Variants in CHD1 observed in about 807,000 individuals in gnomAD.
The protein encoded by CHD1 is ATP-dependent chromatin remodeler CHD1.
CHD1 carries 36 observed loss-of-function variants against 224.2 expected under a neutral mutation model. The observed-to-expected ratio is 0.16, with a 90% confidence interval of 0.12 to 0.21. The LOEUF is 0.21. Among genes scored for constraint, CHD1 ranks in the 10% least tolerant of loss-of-function variants. The pLI, the probability that CHD1 is intolerant of heterozygous loss-of-function variation, is 1.00. For missense variants in CHD1, 1,378 were observed against 1,994.8 expected (o/e 0.69, Z 5.89); for synonymous variants, 668 against 658.3 (o/e 1.01, Z -0.23).
chr5:98,881,238 A>G (rs1050934100), intron 21 of CHD1, 41 bp downstream of exon 21: 39 of 1,210,576 alleles, frequency 3.2e-5, no homozygotes, highest in Non-Finnish European at 4.0e-5. Context: ...TATGACACAT[A>G]TTCTGAGGCA....
intron 4 of CHD1, 129 bp from the exon 5 acceptor site, chr5:98,903,093 TAG>T (rs1364743659): frequency 1.2e-5 from 6 of 507,664 alleles, no homozygotes; most frequent in Non-Finnish European, 2.1e-5. Context: ...TTTTTCAATG[TAG>T]TTTTATTTAT....
chr5:98,923,047 T>C (rs1753211004), intron 2 of CHD1, among the ~76,000 whole-genome samples: 1 of 152,222 alleles, frequency 6.6e-6, no homozygotes, highest in Non-Finnish European at 1.5e-5. Context: ...ACTTTAGTTT[T>C]TTTTGCAAGA....
intron 33 of CHD1, among the ~76,000 whole-genome samples, chr5:98,859,296 A>C (rs374663502): frequency 6.6e-6 from 1 of 152,256 alleles, no homozygotes; most frequent in Non-Finnish European, 1.5e-5. Flanking sequence ...TCCTAATGTT[A>C]ATATCTTATA....
At chr5:98,879,172 TGCAGTGA>T (rs1749983789) in intron 23 of CHD1, among the ~76,000 whole-genome samples, 1 of 152,152 alleles carries the variant, frequency 6.6e-6, no homozygotes, top group African/African-American at 2.4e-5. Context: ...AGGTTAAGGT[TGCAGTGA>T]GCCAGAATTG....
At chr5:98,924,238 G>A (rs1235286631) in intron 2 of CHD1, among the ~76,000 whole-genome samples, 2 of 152,036 alleles carry the variant, frequency 1.3e-5, no homozygotes, top group Non-Finnish European at 2.9e-5. Context: ...GTGACAGAGT[G>A]AGGCCCTGTC....
intron 3 of CHD1, 92 bp downstream of exon 3, chr5:98,904,805 A>T: frequency 8.9e-7 from 1 of 1,125,650 alleles, no homozygotes; most frequent in Non-Finnish European, 1.3e-6. Flanking sequence ...GTCTTCTCTA[A>T]AAGCTAGATT....
At chr5:98,910,526 C>T (rs1215846556) in intron 2 of CHD1, among the ~76,000 whole-genome samples, 4 of 152,120 alleles carry the variant, frequency 2.6e-5, no homozygotes, top group Non-Finnish European at 5.9e-5. Flanking sequence ...TTCGGAGCTA[C>T]AGAACAAGCT....
rs167797 is a variant in CHD1 at position 98,884,808 on chromosome 5, C to T, written c.2568+770G>A. ...CATGGCTCACCGCAGCCTCAAACTC[C>T]TGAGCTAAGTGATCCACTCAACTCA... On this transcript the variant is annotated intron_variant, in intron 18 of 35. Transcript: ENST00000614616. 2.8e-3 allele frequency among the ~76,000 whole-genome samples: 422 copies of T among 151,952 alleles called. 2 individuals carry two copies. The highest frequency in any genetic ancestry group is 9.5e-3 in the African/African-American group (394 of 41,446).
Position 98,863,633 on chromosome 5 carries a change from A to G in CHD1, c.4249-47T>C, listed in dbSNP as rs745759312. Reference sequence around the variant, plus strand: ...ATATAAACACATGTATTAAAAACCTAAATTCAACAAGGTCTACCTCCTTCA... The same window carrying G: ...ATATAAACACATGTATTAAAAACCTGAATTCAACAAGGTCTACCTCCTTCA... On this transcript the variant is annotated intron_variant, in intron 31 of 35. Coordinates refer to ENST00000614616, the MANE Select transcript of CHD1 (RefSeq NM_001270.4). 5.9e-6 allele frequency: 8 copies of G among 1,352,880 alleles called. 1 individual carries two copies. The East Asian group carries it at 9.2e-5, about 16-fold the overall frequency. 83.8% of individuals were successfully genotyped at this position (1,352,880 alleles called of 1,614,324 possible). A position where few individuals can be genotyped will look rare whatever the true frequency, so the allele number is the denominator to read the frequency against.
In CHD1 at chr5:98,901,186, C is replaced by G. The variant is rs1554079557; in HGVS notation, c.587G>C (p.Arg196Thr). 6.2e-7 allele frequency: 1 copy of G among 1,610,158 alleles called. No individual in the cohort carries two copies. The highest frequency in any genetic ancestry group is 8.5e-7 in the Non-Finnish European group (1 of 1,178,794). Residue 196 changes from arginine (R) to threonine (T), a missense_variant and splice_region_variant, in exon 6 of 36, where the codon AGA (arginine) becomes ACA (threonine). By Grantham distance (71) the Arg-to-Thr change is moderately conservative. Transcript: ENST00000614616. Reference sequence around the variant, plus strand: ...TTTCAGCACCAAACTGAGACCATACCTATTTTGAGGTTTTCTGCTTTTGAC... The same window carrying G: ...TTTCAGCACCAAACTGAGACCATACGTATTTTGAGGTTTTCTGCTTTTGAC... The part of the protein sequence containing the change: ...NKVKSRKPQN[R>T]SKSKNGKKIL...
chr5:98,885,447 A>C, intron 18 of CHD1, 131 bp downstream of exon 18: 1 of 643,846 alleles, frequency 1.6e-6, no homozygotes, highest in Non-Finnish European at 2.7e-6. Context: ...CTCATTTGCT[A>C]ATCAAAGGTG....
At chr5:98,871,933 CA>C in intron 28 of CHD1, 117 bp downstream of exon 28, 1 of 850,840 alleles carries the variant, frequency 1.2e-6, no homozygotes. Context: ...CAAGGTCACA[CA>C]ACCAGCTAGT....
In CHD1 at chr5:98,923,182, G is replaced by A. The variant is rs537156280; in HGVS notation, c.53+3152C>T. On this transcript the variant is annotated intron_variant, in intron 2 of 35. Coordinates refer to ENST00000614616, the MANE Select transcript of CHD1 (RefSeq NM_001270.4). ...TGGGAATTGAGTGTTAATGACAGTA[G>A]AGCATAGTATAGCAGCGGTAAGAAA... Among the ~76,000 whole-genome samples the A allele has an allele frequency of 1.9e-4, 29 of 152,194 alleles. 2 individuals carry two copies. The South Asian group carries it at 3.3e-3, about 17-fold the overall frequency.
chr5:98,862,580 C>T lies in CHD1; in HGVS notation c.4427+828G>A, dbSNP rs1477361015. ...AAATTTTATTTCAAATTCTTTAATTCTTTGCTCATTTTTAAATTTACTTTC... is the reference window on the plus strand; with the variant it reads ...AAATTTTATTTCAAATTCTTTAATTTTTTGCTCATTTTTAAATTTACTTTC... On this transcript the variant is annotated intron_variant, in intron 32 of 35. Coordinates refer to ENST00000614616, the MANE Select transcript of CHD1 (RefSeq NM_001270.4). 2.6e-5 allele frequency among the ~76,000 whole-genome samples: 4 copies of T among 151,934 alleles called. No individual in the cohort carries two copies. In the East Asian group the frequency reaches 7.7e-4, roughly 29 times the overall value.
intron 31 of CHD1, among the ~76,000 whole-genome samples, chr5:98,866,138 A>C (rs1019268404): frequency 2.0e-5 from 3 of 152,152 alleles, no homozygotes; most frequent in African/African-American, 4.8e-5. Context: ...AAAAACAAAA[A>C]CAAAAACGGT....
chr5:98,926,472 A>G lies in CHD1; in HGVS notation c.-86T>C. 2 of 611,050 alleles carry G rather than the reference A, an allele frequency of 3.3e-6. No individual in the cohort carries two copies. The highest frequency in any genetic ancestry group is 5.2e-6 in the Non-Finnish European group (2 of 386,322). 37.9% of individuals were successfully genotyped at this position (611,050 alleles called of 1,614,324 possible). ...ATATAAATACTGACTCCTTGAATAT[A>G]AAAATTCACAGATGAATTTTCTTCA... On this transcript the variant is annotated 5_prime_UTR_variant, in exon 2 of 36. Coordinates refer to ENST00000614616, the MANE Select transcript of CHD1 (RefSeq NM_001270.4).
rs971328157 is a variant in CHD1, at chr5:98,854,133, A to G, written c.*2247T>C. The G allele has an allele frequency of 2.6e-5, 4 of 151,988 alleles. No individual in the cohort carries two copies. The highest frequency in any genetic ancestry group is 2.1e-4 in the South Asian group (1 of 4,834). 9.4% of individuals were successfully genotyped at this position (151,988 alleles called of 1,614,324 possible). A position where few individuals can be genotyped will look rare whatever the true frequency, so the allele number is the denominator to read the frequency against. On this transcript the variant is annotated 3_prime_UTR_variant, in exon 36 of 36. Coordinates refer to ENST00000614616, the MANE Select transcript of CHD1 (RefSeq NM_001270.4). ...AATATTTTATGGAGAATGTTCTGCTATATTTATGTACTAATGTTCTTCACC... is the reference window on the plus strand; with the variant it reads ...AATATTTTATGGAGAATGTTCTGCTGTATTTATGTACTAATGTTCTTCACC...
intron 2 of CHD1, among the ~76,000 whole-genome samples, chr5:98,924,182 C>CA (rs1753295050): frequency 6.6e-6 from 1 of 151,700 alleles, no homozygotes; most frequent in Non-Finnish European, 1.5e-5. Flanking sequence ...GAGGTGGAGG[C>CA]AGAGGCTGCA....
intron 8 of CHD1, among the ~76,000 whole-genome samples, chr5:98,899,045 T>C (rs750231479): frequency 2.6e-5 from 4 of 152,160 alleles, no homozygotes; most frequent in Non-Finnish European, 5.9e-5. Context: ...AATAAAATCA[T>C]CCCTCACTAC....
Sources: gnomAD v4.1 joint callset for allele counts (sites outside exome capture counted in the v4.1 genomes callset) on GRCh38, gnomAD v4.1.1 for gene constraint, MANE v1.5 for transcripts, NCBI Gene and HGNC (gene_info 2026-07-23, HGNC 2026-07-21) for gene names.